SAR1B: variants seen among roughly 807,000 people sequenced by gnomAD.
The protein encoded by SAR1B is small COPII coat GTPase SAR1B.
SAR1B carries 23 observed loss-of-function variants against 26.8 expected under a neutral mutation model. The ratio of observed to expected loss-of-function variants is 0.86; its 90% CI spans 0.62 to 1.22. The LOEUF (loss-of-function observed/expected upper bound fraction) is 1.22, where lower values mean the gene tolerates loss of function less well. SAR1B is among the 50% of genes most tolerant of loss of function. The probability of loss-of-function intolerance (pLI) is 0.00; values close to 1 mark genes in which losing one functional copy is unlikely to be tolerated. For synonymous variants in SAR1B, 65 were observed against 80.8 expected (o/e 0.80, Z 1.05); for missense variants, 196 against 232.8 (o/e 0.84, Z 1.03).
At chr5:134,610,566 CAAAAAAA>C (rs55682339) in intron 4 of SAR1B, among the ~76,000 whole-genome samples, 6 of 39,026 alleles carry the variant, frequency 1.5e-4, no homozygotes, top group Non-Finnish European at 4.3e-5. Context: ...GACTCCGTCT[CAAAAAAA>C]AAAAAAAAAA....
chr5:134,620,900 C>A (rs1379160243), intron 3 of SAR1B, 33 bp downstream of exon 3: 2 of 1,611,870 alleles, frequency 1.2e-6, no homozygotes, highest in East Asian at 2.2e-5. Flanking sequence ...ATCATTTGAT[C>A]AAGTATCACA....
chr5:134,620,910 A>G (rs756826029), intron 3 of SAR1B, 23 bp downstream of exon 3: 1 of 1,613,158 alleles, frequency 6.2e-7, no homozygotes, highest in East Asian at 2.2e-5. Context: ...CAAGTATCAC[A>G]TTGTATGTAG....
rs756031758 is a variant in SAR1B, at chr5:134,612,685, T to C, written c.244+6A>G. 7.4e-6 allele frequency: 3 copies of C among 404,080 alleles called. No individual in the cohort carries two copies. Among genetic ancestry groups the C allele is most frequent in the South Asian group, 5.3e-5 (2 of 37,636 alleles). The allele number at this position is 404,080 out of a possible 1,614,324, so 25.0% of individuals were successfully genotyped here. A position where few individuals can be genotyped will look rare whatever the true frequency, so the allele number is the denominator to read the frequency against. On this transcript the variant is annotated splice_donor_region_variant and intron_variant, in intron 4 of 6. Transcript: ENST00000402673. ...AAAAAAAAAAAAAAAAAAAAAAGAA[T>C]CTTACCTTGAACATGTCCACCCAGA...
At chr5:134,629,603 A>T (rs1307118665) in intron 1 of SAR1B, among the ~76,000 whole-genome samples, 1 of 152,138 alleles carries the variant, frequency 6.6e-6, no homozygotes, top group Non-Finnish European at 1.5e-5. Context: ...AGGCTGAGGC[A>T]GGAGAATCGC....
At chr5:134,617,672 T>C (rs1310464894) in intron 3 of SAR1B, among the ~76,000 whole-genome samples, 3 of 151,878 alleles carry the variant, frequency 2.0e-5, no homozygotes, top group Non-Finnish European at 4.4e-5. Flanking sequence ...TTTTGTTGGG[T>C]TTTTTTTCTG....
At chr5:134,607,744 C>T (rs1765151046) in intron 6 of SAR1B, among the ~76,000 whole-genome samples, 1 of 149,506 alleles carries the variant, frequency 6.7e-6, no homozygotes, top group African/African-American at 2.5e-5. Flanking sequence ...TGTACTCCAG[C>T]CTGGGCAACA....
intron 1 of SAR1B, chr5:134,625,796 T>C (rs918603090): frequency 6.6e-5 from 10 of 152,154 alleles, no homozygotes; most frequent in African/African-American, 2.4e-4. Context: ...TGGAGGGCAC[T>C]GATACAGACT....
intron 3 of SAR1B, chr5:134,613,818 C>T (rs997705991): frequency 1.3e-5 from 2 of 152,232 alleles, no homozygotes; most frequent in African/African-American, 4.8e-5. Context: ...CCTTCCACTT[C>T]TGGGACTTCA....
At chr5:134,622,442 G>A (rs1302713580) in intron 2 of SAR1B, among the ~76,000 whole-genome samples, 5 of 136,776 alleles carry the variant, frequency 3.7e-5, no homozygotes. Flanking sequence ...ACGGAGTCTC[G>A]CTCTGTCACC....
At position 134,609,349 on chromosome 5, in the gene SAR1B, A is replaced by G. The variant is rs151006172; in HGVS notation, c.348+222T>C. Among the ~76,000 whole-genome samples, 50 of 152,318 alleles carry G rather than the reference A, an allele frequency of 3.3e-4. 1 individual carries two copies. The highest frequency in any genetic ancestry group is 4.7e-4 in the Non-Finnish European group (32 of 68,014). ...AGGGTGAGCTTCTTAAGTCTTCATA[A>G]AAGATGTCTGTGTTAGTACTTCCTC... On this transcript the variant is annotated intron_variant, in intron 5 of 6. Transcript: ENST00000402673.
At chr5:134,609,727 T>C (rs1765183279) in intron 4 of SAR1B, 53 bp from the exon 5 acceptor site, 1 of 1,423,006 alleles carries the variant, frequency 7.0e-7, no homozygotes, top group Non-Finnish European at 9.9e-7. Flanking sequence ...ACCCAGCAGA[T>C]GGTTTAAGCA....
chr5:134,630,702 G>C (rs1765585030), intron 1 of SAR1B, among the ~76,000 whole-genome samples: 1 of 148,626 alleles, frequency 6.7e-6, no homozygotes, highest in Non-Finnish European at 1.5e-5. Flanking sequence ...AGAATCACTT[G>C]AACCCTGGAG....
chr5:134,607,025 T>C lies in SAR1B; in HGVS notation c.522A>G (p.Glu174=). Residue 174 remains glutamate, a synonymous_variant, in exon 7 of 7, where the codon GAA becomes GAG. Transcript: ENST00000402673. ...SLKELNARPL[E]VFMCSVLKRQ... ...TTTTGAGCACACTACACATGAAAAC[T>C]TCTAAGGGTCGGGCATTCAGTTCTT... is the stretch of plus-strand genomic sequence containing the variant. 6.2e-7 allele frequency: 1 copy of C among 1,614,074 alleles called. No homozygotes were observed. The highest frequency in any genetic ancestry group is 8.5e-7 in the Non-Finnish European group (1 of 1,179,930).
rs778994123 is a variant in SAR1B at position 134,603,847 on chromosome 5, C to T, written c.*3103G>A. 4.6e-5 allele frequency: 7 copies of T among 151,954 alleles called. No homozygotes were observed. The highest frequency in any genetic ancestry group is 7.4e-5 in the Non-Finnish European group (5 of 67,972). The allele number at this position is 151,954 out of a possible 1,614,324, so 9.4% of individuals were successfully genotyped here. A position where few individuals can be genotyped will look rare whatever the true frequency, so the allele number is the denominator to read the frequency against. On this transcript the variant is annotated 3_prime_UTR_variant, in exon 7 of 7. Transcript: ENST00000402673. ...CAAAAAACAAAAACAAAAGATGAGC[C>T]GGTTGAAAACTAAGAAAGAAACAAC...
intron 6 of SAR1B, among the ~76,000 whole-genome samples, 196 bp downstream of exon 6, chr5:134,608,176 C>T (rs1226444178): frequency 1.3e-5 from 2 of 152,086 alleles, no homozygotes; most frequent in Non-Finnish European, 2.9e-5. Context: ...TCATCCTTGA[C>T]ATTTTTGTTG....
intron 1 of SAR1B, among the ~76,000 whole-genome samples, chr5:134,626,390 TTTTATTGTTATTTTAAG>T (rs1204656698): frequency 6.6e-6 from 1 of 152,028 alleles, no homozygotes; most frequent in Non-Finnish European, 1.5e-5. Context: ...TTAACTGTTT[TTTTATTGTTATTTTAAG>T]TAGAAGTAAA....
intron 4 of SAR1B, among the ~76,000 whole-genome samples, chr5:134,610,724 A>G (rs971388431): frequency 4.6e-5 from 7 of 151,912 alleles, no homozygotes; most frequent in Non-Finnish European, 1.0e-4. Context: ...ACAGAACCAG[A>G]CTCTGTTTCA....
At chr5:134,622,596 G>C (rs1426921228) in intron 2 of SAR1B, among the ~76,000 whole-genome samples, 1 of 151,090 alleles carries the variant, frequency 6.6e-6, no homozygotes, top group Non-Finnish European at 1.5e-5. Context: ...ATTTTTAGTA[G>C]AGACGGGGTT....
intron 3 of SAR1B, chr5:134,618,339 A>AG (rs1765348463): frequency 6.6e-6 from 1 of 152,132 alleles, no homozygotes; most frequent in African/African-American, 2.4e-5. Flanking sequence ...AAGAAAAAAA[A>AG]GATTTGTCAA....
Sources: allele counts gnomAD v4.1 joint callset (sites outside exome capture counted in the v4.1 genomes callset), GRCh38; gene constraint gnomAD v4.1.1; transcripts MANE v1.5; gene names NCBI Gene and HGNC (gene_info 2026-07-23, HGNC 2026-07-21).